Variants in DPP10 observed in about 807,000 individuals in gnomAD.
DPP10 encodes the protein inactive dipeptidyl peptidase 10.
Under a neutral mutation model 120.9 loss-of-function variants are expected in DPP10, and 33 were observed. The ratio of observed to expected loss-of-function variants is 0.27; its 90% CI spans 0.21 to 0.37. DPP10 has a LOEUF of 0.37. DPP10 is among the 10% of genes least tolerant of loss of function. The probability of loss-of-function intolerance (pLI) is 1.00; values close to 1 mark genes in which losing one functional copy is unlikely to be tolerated. For missense variants in DPP10, 816 were observed against 942.8 expected (o/e 0.87, Z 1.76); for synonymous variants, 337 against 326.1 (o/e 1.03, Z -0.36).
intron 1 of DPP10, among the ~76,000 whole-genome samples, chr2:114,927,668 G>A (rs1339217455): frequency 6.6e-6 from 1 of 152,184 alleles, no homozygotes; most frequent in African/African-American, 2.4e-5. Flanking sequence ...GCTTGAAAGG[G>A]CCCAAGACAT....
intron 1 of DPP10, among the ~76,000 whole-genome samples, chr2:115,011,237 A>T (rs1158534617): frequency 6.6e-6 from 1 of 152,210 alleles, no homozygotes; most frequent in African/African-American, 2.4e-5. Flanking sequence ...GCCCTTAAAA[A>T]TAGTGTGTAA....
At chr2:114,950,988 T>G (rs1697743444) in intron 1 of DPP10, among the ~76,000 whole-genome samples, 1 of 152,124 alleles carries the variant, frequency 6.6e-6, no homozygotes, top group Non-Finnish European at 1.5e-5. Context: ...AGCGCTACAA[T>G]GAAATCTAAT....
At chr2:114,889,738 G>A (rs969561464) in intron 1 of DPP10, among the ~76,000 whole-genome samples, 2 of 152,068 alleles carry the variant, frequency 1.3e-5, no homozygotes, top group African/African-American at 4.8e-5. Flanking sequence ...AAAAATGATG[G>A]ATAAAATTTT....
At chr2:115,181,912 T>G (rs971836541) in intron 1 of DPP10, among the ~76,000 whole-genome samples, 2 of 152,220 alleles carry the variant, frequency 1.3e-5, no homozygotes, top group African/African-American at 4.8e-5. Context: ...TGTCATGATG[T>G]CAGTGCTGTA....
chr2:115,756,988 C>T (rs542654100), intron 11 of DPP10, among the ~76,000 whole-genome samples: 1 of 152,162 alleles, frequency 6.6e-6, no homozygotes, highest in East Asian at 1.9e-4. Flanking sequence ...TTAATGATGG[C>T]AGAACCCTCA....
chr2:115,831,117 T>TA (rs1412246863), intron 21 of DPP10, among the ~76,000 whole-genome samples: 1 of 152,226 alleles, frequency 6.6e-6, no homozygotes, highest in African/African-American at 2.4e-5. Context: ...TGCAAAATAA[T>TA]AGAGTGTAAT....
At chr2:115,338,162 CT>C in intron 2 of DPP10, among the ~76,000 whole-genome samples, 1 of 152,142 alleles carries the variant, frequency 6.6e-6, no homozygotes, top group East Asian at 1.9e-4. Flanking sequence ...AAACAAAGGA[CT>C]GTGTAACTTT....
At chr2:115,377,178 A>T (rs1263968555) in intron 3 of DPP10, among the ~76,000 whole-genome samples, 2 of 152,070 alleles carry the variant, frequency 1.3e-5, no homozygotes, top group Non-Finnish European at 2.9e-5. Context: ...ACAGTGTAAA[A>T]GTGTTCGTAT....
chr2:115,025,581 G>A (rs571533775), intron 1 of DPP10, among the ~76,000 whole-genome samples: 2 of 152,204 alleles, frequency 1.3e-5, no homozygotes, highest in African/African-American at 2.4e-5. Context: ...ACTCCCTGCT[G>A]TTTTCCATAA....
chr2:114,634,193 T>G (rs1031943812), intron 1 of DPP10, among the ~76,000 whole-genome samples: 5 of 151,872 alleles, frequency 3.3e-5, no homozygotes, highest in Admixed American at 6.5e-5. Flanking sequence ...TTTTGGCACT[T>G]CTGCCTGTGT....
intron 1 of DPP10, among the ~76,000 whole-genome samples, chr2:114,892,344 T>A (rs1692609796): frequency 6.6e-6 from 1 of 152,178 alleles, no homozygotes; most frequent in Non-Finnish European, 1.5e-5. Flanking sequence ...CCACTCTGTG[T>A]ACCCAGTTAG....
intron 4 of DPP10, among the ~76,000 whole-genome samples, chr2:115,504,275 CTTTTTT>C (rs5833604): frequency 7.6e-6 from 1 of 131,618 alleles, no homozygotes; most frequent in Non-Finnish European, 1.6e-5. Flanking sequence ...CTATTGCCAA[CTTTTTT>C]TTTTTTTTTT....
intron 1 of DPP10, among the ~76,000 whole-genome samples, chr2:114,979,601 T>C (rs1187269663): frequency 6.6e-6 from 1 of 152,104 alleles, no homozygotes; most frequent in Non-Finnish European, 1.5e-5. Context: ...CATATAATCT[T>C]ATATTTTGAA....
chr2:115,207,728 A>C (rs1271365588), intron 1 of DPP10, among the ~76,000 whole-genome samples: 1 of 152,220 alleles, frequency 6.6e-6, no homozygotes, highest in Non-Finnish European at 1.5e-5. Flanking sequence ...GCAGAAAGCT[A>C]TGCTAAAGAG....
intron 1 of DPP10, among the ~76,000 whole-genome samples, chr2:115,145,764 C>A (rs1232276376): frequency 6.6e-6 from 1 of 152,096 alleles, no homozygotes; most frequent in Non-Finnish European, 1.5e-5. Flanking sequence ...TGTGTTCCCA[C>A]CAGCAATGAA....
chr2:115,273,041 T>C (rs1490289995), intron 1 of DPP10, among the ~76,000 whole-genome samples: 5 of 152,096 alleles, frequency 3.3e-5, no homozygotes, highest in African/African-American at 1.2e-4. Flanking sequence ...TTTTTTGAAT[T>C]TTATGTGAGT....
At chr2:115,040,805 G>A (rs376765058) in intron 1 of DPP10, among the ~76,000 whole-genome samples, 6 of 152,006 alleles carry the variant, frequency 3.9e-5, no homozygotes, top group African/African-American at 4.8e-5. Flanking sequence ...CTCTCCTGTC[G>A]CCTTCTGCCA....
At chr2:115,763,840 A>G (rs1171166565) in intron 12 of DPP10, among the ~76,000 whole-genome samples, 1 of 152,134 alleles carries the variant, frequency 6.6e-6, no homozygotes, top group Non-Finnish European at 1.5e-5. Flanking sequence ...TCCACAAGGG[A>G]TTAATTGAAA....
chr2:115,808,812 A>C (rs1333512087), intron 19 of DPP10, among the ~76,000 whole-genome samples: 1 of 152,220 alleles, frequency 6.6e-6, no homozygotes, highest in East Asian at 1.9e-4. Flanking sequence ...GTACAATTTG[A>C]GAATTTAATT....
Sources: gnomAD v4.1 joint callset for allele counts (sites outside exome capture counted in the v4.1 genomes callset) on GRCh38, gnomAD v4.1.1 for gene constraint, MANE v1.5 for transcripts, NCBI Gene and HGNC (gene_info 2026-07-23, HGNC 2026-07-21) for gene names.